Variants in PCYT1B observed in about 807,000 individuals in gnomAD.
The protein encoded by PCYT1B is phosphate cytidylyltransferase 1B, choline.
PCYT1B carries 10 observed loss-of-function variants against 26.4 expected under a neutral mutation model. The ratio of observed to expected loss-of-function variants is 0.38; its 90% CI spans 0.23 to 0.64. The LOEUF (loss-of-function observed/expected upper bound fraction) is 0.64. PCYT1B is among the 30% of genes least tolerant of loss of function. The pLI, the probability that PCYT1B is intolerant of heterozygous loss-of-function variation, is 0.56. For synonymous variants in PCYT1B, 131 were observed against 108.4 expected (o/e 1.21, Z -1.29); for missense variants, 161 against 292.7 (o/e 0.55, Z 3.28).
rs58225489 is a variant in PCYT1B at position 24,670,109 on chromosome X, A to AAGGAAGGAAGG, written c.63+2460_63+2461insCCTTCCTTCCT. On this transcript the variant is annotated intron_variant, in intron 1 of 7. Coordinates refer to the PCYT1B transcript ENST00000379145. ...GAAAGAAAGAAAGAAAGAAAGAAAG[A>AAGGAAGGAAGG]AAGAAAGGAAGGAAGGAAGGAAGGA... Among the ~76,000 whole-genome samples the AAGGAAGGAAGG allele has an allele frequency of 9.8e-3, 246 of 25,034 alleles. 2 individuals carry two copies. Among genetic ancestry groups the AAGGAAGGAAGG allele is most frequent in the Admixed American group, 0.019 (28 of 1,466 alleles). The allele number at this position is 25,034 out of a possible 115,157, so 21.7% of individuals were successfully genotyped here.
chrX:24,621,835 T>A, intron 1 of PCYT1B: 1 of 732,517 alleles, frequency 1.4e-6, no homozygotes, highest in South Asian at 7.0e-5. Flanking sequence ...AAAGAGGAGA[T>A]AAGGTGTTGC....
intron 1 of PCYT1B, among the ~76,000 whole-genome samples, chrX:24,621,612 G>T (rs1328828049): frequency 9.0e-6 from 1 of 111,073 alleles, no homozygotes; most frequent in East Asian, 2.8e-4. Context: ...AAGTAGCTGG[G>T]ACTACAGGTA....
chrX:24,579,465 A>G lies in PCYT1B; in HGVS notation c.566-7T>C. ...TGCGTTGGAACGAACATCCCTGTTC[A>G]AGTAGAAAAGAGCGGATAGAGGAAA... On this transcript the variant is annotated splice_polypyrimidine_tract_variant and splice_region_variant and intron_variant, in intron 5 of 7. Transcript: ENST00000379144. 1 of 1,204,373 alleles carries G rather than the reference A, an allele frequency of 8.3e-7. No homozygotes were observed. The highest frequency in any genetic ancestry group is 1.8e-5 in the South Asian group (1 of 56,551).
intron 2 of PCYT1B, among the ~76,000 whole-genome samples, chrX:24,609,615 AAAGATATAATCCTCCC>A (rs1420107568): frequency 8.9e-6 from 1 of 112,356 alleles, no homozygotes. Flanking sequence ...GTTAAGTTAA[AAAGATATAATCCTCCC>A]AAGGGCAGAG....
At chrX:24,615,618 C>T (rs1022832405) in intron 2 of PCYT1B, among the ~76,000 whole-genome samples, 2 of 110,907 alleles carry the variant, frequency 1.8e-5, no homozygotes, top group Non-Finnish European at 3.8e-5. Flanking sequence ...ACATGCACCA[C>T]CACACCTGGC....
chrX:24,670,104 GAAAGAAAGA>G (rs1569261888), intron 1 of PCYT1B, among the ~76,000 whole-genome samples: 949 of 79,102 alleles, frequency 0.012, 5 homozygotes, highest in South Asian at 0.023. Flanking sequence ...AAGAAAGAAA[GAAAGAAAGA>G]AAGGAAGGAA....
At chrX:24,644,489 C>T (rs911412018) in intron 1 of PCYT1B, among the ~76,000 whole-genome samples, 1 of 107,747 alleles carries the variant, frequency 9.3e-6, no homozygotes, top group Non-Finnish European at 1.9e-5. Context: ...CACACACACA[C>T]GAAACCAGAA....
intron 5 of PCYT1B, among the ~76,000 whole-genome samples, chrX:24,581,088 C>G (rs1924191048): frequency 8.9e-6 from 1 of 111,885 alleles, no homozygotes; most frequent in Non-Finnish European, 1.9e-5. Context: ...AACCTCAAAA[C>G]CAGTCTCCAG....
chrX:24,654,480 G>A (rs1426779457), intron 1 of PCYT1B, among the ~76,000 whole-genome samples: 5 of 101,779 alleles, frequency 4.9e-5, no homozygotes, highest in Non-Finnish European at 8.0e-5. Context: ...GCGGGGTGGC[G>A]TGACTCACAC....
intron 1 of PCYT1B, among the ~76,000 whole-genome samples, chrX:24,620,613 C>G (rs771036798): frequency 1.2e-4 from 14 of 112,234 alleles, no homozygotes; most frequent in African/African-American, 4.5e-4. Context: ...CCACAAACCC[C>G]GGGTTCAGAT....
chrX:24,621,837 A>G, intron 1 of PCYT1B: 1 of 731,128 alleles, frequency 1.4e-6, no homozygotes, highest in Non-Finnish European at 1.6e-6. Flanking sequence ...AGAGGAGATA[A>G]GGTGTTGCCA....
intron 2 of PCYT1B, among the ~76,000 whole-genome samples, chrX:24,613,628 A>G: frequency 9.0e-6 from 1 of 111,497 alleles, no homozygotes; most frequent in Non-Finnish European, 1.9e-5. Flanking sequence ...AAAGGAAAGT[A>G]GAAAATCAGA....
At chrX:24,618,321 G>A (rs892011193) in intron 2 of PCYT1B, among the ~76,000 whole-genome samples, 2 of 111,845 alleles carry the variant, frequency 1.8e-5, no homozygotes, top group Non-Finnish European at 3.8e-5. Context: ...AAAATGCTTT[G>A]GTACTTTTGA....
At position 24,558,341 on chromosome X, in the gene PCYT1B, C is replaced by T. The variant is rs1336481499; in HGVS notation, c.*3952G>A. Reference sequence around the variant, plus strand: ...CTTATGGCTTTGTCCCTGGACACATCGCAGTGACACAACAGAGGAAAACTA... The same window carrying T: ...CTTATGGCTTTGTCCCTGGACACATTGCAGTGACACAACAGAGGAAAACTA... On this transcript the variant is annotated 3_prime_UTR_variant, in exon 8 of 8. Coordinates refer to ENST00000379144, the MANE Select transcript of PCYT1B (RefSeq NM_004845.5). 1.8e-5 allele frequency: 2 copies of T among 111,747 alleles called. No individual in the cohort carries two copies. The highest frequency in any genetic ancestry group is 9.6e-5 in the Admixed American group (1 of 10,459). 9.2% of individuals were successfully genotyped at this position (111,747 alleles called of 1,213,427 possible).
At chrX:24,564,431 C>T (rs1347770415) in intron 7 of PCYT1B, among the ~76,000 whole-genome samples, 2 of 108,480 alleles carry the variant, frequency 1.8e-5, no homozygotes, top group Non-Finnish European at 3.8e-5. Flanking sequence ...CGGTTCACTG[C>T]AAGCTCCGCC....
chrX:24,564,421 C>T (rs1923551713), intron 7 of PCYT1B, among the ~76,000 whole-genome samples: 1 of 107,516 alleles, frequency 9.3e-6, no homozygotes, highest in Non-Finnish European at 1.9e-5. Context: ...GGCGCGATCT[C>T]GGTTCACTGC....
At position 24,562,349 on chromosome X, in the gene PCYT1B, T is replaced by A. The variant is rs1369217824; in HGVS notation, c.1054A>T (p.Lys352Ter). The change falls in exon 8 of 8, where the codon AAA becomes TAA. Residue 352 changes from lysine (K) to a stop codon, truncating the protein, a stop_gained. Coordinates refer to ENST00000379144, the MANE Select transcript of PCYT1B (RefSeq NM_004845.5). LOFTEE classifies it high-confidence loss of function. ...PLKTSPPSSP[K>*]AASASISSMS... ...CTGCTGATAGAGGCTGAGGCTGCTTTGGGTGAGGAAGGGGGTGAGGTTTTG... is the reference window on the plus strand; with the variant it reads ...CTGCTGATAGAGGCTGAGGCTGCTTAGGGTGAGGAAGGGGGTGAGGTTTTG... 5.1e-6 allele frequency: 6 copies of A among 1,169,960 alleles called. No homozygotes were observed. The highest frequency in any genetic ancestry group is 1.8e-5 in the African/African-American group (1 of 55,767).
intron 7 of PCYT1B, among the ~76,000 whole-genome samples, chrX:24,563,882 G>A (rs1391630257): frequency 1.8e-5 from 2 of 111,594 alleles, no homozygotes; most frequent in Non-Finnish European, 3.8e-5. Flanking sequence ...TTATGAGCCC[G>A]TTGCAATAAG....
chrX:24,599,803 A>G (rs1924901837), intron 3 of PCYT1B, among the ~76,000 whole-genome samples: 2 of 112,312 alleles, frequency 1.8e-5, no homozygotes, highest in African/African-American at 6.5e-5. Context: ...AGCTTGTTAT[A>G]TGTTTTGTAA....
Sources: allele counts gnomAD v4.1 joint callset (sites outside exome capture counted in the v4.1 genomes callset), GRCh38; gene constraint gnomAD v4.1.1; transcripts MANE v1.5; gene names NCBI Gene and HGNC (gene_info 2026-07-23, HGNC 2026-07-21).